CACNA2D3: variants seen among roughly 807,000 people sequenced by gnomAD.
CACNA2D3 encodes the protein voltage-dependent calcium channel subunit alpha-2/delta-3.
In CACNA2D3, 60 loss-of-function variants were observed where a neutral mutation model predicts 160.6. The observed-to-expected ratio is 0.37, with a 90% confidence interval of 0.30 to 0.46. The LOEUF (loss-of-function observed/expected upper bound fraction) is 0.46, where lower values mean the gene tolerates loss of function less well. CACNA2D3 is among the 20% of genes least tolerant of loss of function. The pLI is 1.00. For synonymous variants in CACNA2D3, 558 were observed against 492.9 expected, an observed-to-expected ratio of 1.13 and a Z score of -1.75; for missense variants, 1,205 against 1,365.0, an observed-to-expected ratio of 0.88 and a Z score of 1.85.
intron 2 of CACNA2D3, among the ~76,000 whole-genome samples, chr3:54,285,248 A>G (rs563581874): frequency 6.6e-6 from 1 of 152,300 alleles, no homozygotes; most frequent in African/African-American, 2.4e-5. Flanking sequence ...GTGCTTTTCC[A>G]ACGGGCTTAA....
chr3:54,249,668 C>A (rs1290742258), intron 2 of CACNA2D3, among the ~76,000 whole-genome samples: 1 of 145,544 alleles, frequency 6.9e-6, no homozygotes, highest in Non-Finnish European at 1.5e-5. Context: ...TACGTACACA[C>A]ACACACACAC....
At chr3:54,129,879 G>A (rs375996875) in intron 2 of CACNA2D3, among the ~76,000 whole-genome samples, 11 of 152,188 alleles carry the variant, frequency 7.2e-5, no homozygotes, top group African/African-American at 1.2e-4. Flanking sequence ...ATCACAGAAC[G>A]TGCCAGATAA....
intron 35 of CACNA2D3, among the ~76,000 whole-genome samples, chr3:55,032,727 T>C (rs1393650958): frequency 6.6e-6 from 1 of 152,142 alleles, no homozygotes; most frequent in Non-Finnish European, 1.5e-5. Flanking sequence ...GATGTGAATA[T>C]TACAAGGTAT....
chr3:54,165,850 C>T (rs1700444829), intron 2 of CACNA2D3, among the ~76,000 whole-genome samples: 1 of 152,096 alleles, frequency 6.6e-6, no homozygotes, highest in Non-Finnish European at 1.5e-5. Flanking sequence ...GCTCTGGATC[C>T]CTCTTTGTCC....
intron 11 of CACNA2D3, among the ~76,000 whole-genome samples, chr3:54,730,933 T>A (rs1559561830): frequency 6.6e-6 from 1 of 152,234 alleles, no homozygotes; most frequent in Non-Finnish European, 1.5e-5. Context: ...TTGGGTTGAT[T>A]TTCTAATTTG....
At chr3:54,969,966 A>G in intron 29 of CACNA2D3, 122 bp downstream of exon 29, 1 of 223,136 alleles carries the variant, frequency 4.5e-6, no homozygotes, top group South Asian at 1.1e-4. Flanking sequence ...GGGCCAATCT[A>G]AAAAAAAAAA....
chr3:54,651,731 C>T (rs943180209), intron 11 of CACNA2D3, among the ~76,000 whole-genome samples: 2 of 152,110 alleles, frequency 1.3e-5, no homozygotes, highest in Non-Finnish European at 2.9e-5. Flanking sequence ...AGCCTCAAGC[C>T]AGCCTTGCCC....
Position 54,324,114 on chromosome 3 carries a change from A to G in CACNA2D3, c.321+3556A>G, listed in dbSNP as rs1704070928. 2.6e-5 allele frequency among the ~76,000 whole-genome samples: 4 copies of G among 152,322 alleles called. No homozygotes were observed. The South Asian group carries it at 8.3e-4, about 32-fold the overall frequency. ...ACTAGGTTCAGTTAGTGCTGGGGGAAAAAAATGGAGTACTACAATAACCTC... is the reference window on the plus strand; with the variant it reads ...ACTAGGTTCAGTTAGTGCTGGGGGAGAAAAATGGAGTACTACAATAACCTC... On this transcript the variant is annotated intron_variant, in intron 3 of 37. Transcript: ENST00000474759.
Position 54,464,581 on chromosome 3 carries a change from G to A in CACNA2D3, c.382-38911G>A, listed in dbSNP as rs143385569. ...GTGGGCGTAGGACCCTCCGAGCCAAGTGCGGGATATAATCTCCTGGTGTGC... is the reference window on the plus strand; with the variant it reads ...GTGGGCGTAGGACCCTCCGAGCCAAATGCGGGATATAATCTCCTGGTGTGC... On this transcript the variant is annotated intron_variant, in intron 4 of 37. Transcript: ENST00000474759. 7.5e-3 allele frequency among the ~76,000 whole-genome samples: 1,140 copies of A among 152,324 alleles called. 18 individuals are homozygous for A. The highest frequency in any genetic ancestry group is 0.026 in the African/African-American group (1,097 of 41,578).
Position 54,122,628 on chromosome 3 carries a change from C to T in CACNA2D3, c.-86C>T, listed in dbSNP as rs1220089570. The T allele has an allele frequency of 1.1e-6, 1 of 916,434 alleles. No individual in the cohort carries two copies. Among genetic ancestry groups the T allele is most frequent in the Non-Finnish European group, 1.3e-6 (1 of 769,598 alleles). 56.8% of individuals were successfully genotyped at this position (916,434 alleles called of 1,614,324 possible). A position where few individuals can be genotyped will look rare whatever the true frequency, so the allele number is the denominator to read the frequency against. On this transcript the variant is annotated 5_prime_UTR_variant, in exon 1 of 38. Coordinates refer to ENST00000474759, the MANE Select transcript of CACNA2D3 (RefSeq NM_018398.3). The stretch of plus-strand genomic sequence containing the variant: ...CGGCGCGGAGCGGAGCAGGCAGCCC[C>T]GCGCGCTCGCCCACCGCCCGCTCCG...
chr3:54,254,579 T>C (rs1008371965), intron 2 of CACNA2D3, among the ~76,000 whole-genome samples: 9 of 152,168 alleles, frequency 5.9e-5, no homozygotes, highest in South Asian at 2.1e-4. Context: ...TTTCCAAGTA[T>C]GAAGATGGAG....
At chr3:54,413,398 C>CTA (rs1009598626) in intron 4 of CACNA2D3, among the ~76,000 whole-genome samples, 51 of 143,222 alleles carry the variant, frequency 3.6e-4, no homozygotes, top group Middle Eastern at 7.3e-3. Flanking sequence ...ATATATATAT[C>CTA]TATATATATC....
chr3:54,324,544 A>C (rs1704079803), intron 3 of CACNA2D3, among the ~76,000 whole-genome samples: 1 of 152,028 alleles, frequency 6.6e-6, no homozygotes, highest in African/African-American at 2.4e-5. Context: ...GTTCTTTTTA[A>C]TGCCATTGGT....
intron 4 of CACNA2D3, among the ~76,000 whole-genome samples, chr3:54,420,233 C>T (rs1023923753): frequency 1.1e-4 from 16 of 152,090 alleles, no homozygotes; most frequent in African/African-American, 2.4e-4. Context: ...TACAGGCACA[C>T]GCCACTATGC....
chr3:54,298,525 G>A (rs1703390308), intron 2 of CACNA2D3, among the ~76,000 whole-genome samples: 1 of 152,218 alleles, frequency 6.6e-6, no homozygotes, highest in South Asian at 2.1e-4. Context: ...TAGGCCGGGC[G>A]CAGTGGCTCA....
intron 2 of CACNA2D3, among the ~76,000 whole-genome samples, chr3:54,230,703 A>C (rs546774490): frequency 4.6e-5 from 7 of 152,342 alleles, no homozygotes; most frequent in African/African-American, 1.4e-4. Context: ...TTACCTCCAC[A>C]GTCTTATAAA....
intron 13 of CACNA2D3, among the ~76,000 whole-genome samples, chr3:54,813,129 C>CT (rs1703362997): frequency 6.6e-6 from 1 of 152,178 alleles, no homozygotes; most frequent in African/African-American, 2.4e-5. Context: ...CACACCACAA[C>CT]TTTTTTCTTT....
intron 3 of CACNA2D3, among the ~76,000 whole-genome samples, chr3:54,356,654 A>C (rs953872460): frequency 5.9e-5 from 9 of 152,328 alleles, no homozygotes; most frequent in African/African-American, 1.9e-4. Flanking sequence ...TTAAAATACA[A>C]GGAGCGTTCA....
At chr3:54,876,087 C>T (rs946001975) in intron 18 of CACNA2D3, among the ~76,000 whole-genome samples, 8 of 152,080 alleles carry the variant, frequency 5.3e-5, no homozygotes, top group African/African-American at 7.2e-5. Context: ...AATTTTCCTC[C>T]GCCAGGCCAT....
Sources: gnomAD v4.1 joint callset for allele counts (sites outside exome capture counted in the v4.1 genomes callset) on GRCh38, gnomAD v4.1.1 for gene constraint, MANE v1.5 for transcripts, NCBI Gene and HGNC (gene_info 2026-07-23, HGNC 2026-07-21) for gene names.